Variants in ZNF236 observed in about 807,000 individuals in gnomAD.
The protein encoded by ZNF236 is regulated by glucose.
Under a neutral mutation model 191.2 loss-of-function variants are expected in ZNF236, and 50 were observed. That is an observed-to-expected ratio of 0.26 (90% confidence interval 0.21 to 0.33). The LOEUF (loss-of-function observed/expected upper bound fraction) is 0.33. Among genes scored for constraint, ZNF236 ranks in the 10% least tolerant of loss-of-function variants. ZNF236 has a pLI of 1.00. For missense variants in ZNF236, 1,754 were observed against 2,374.5 expected, an observed-to-expected ratio of 0.74 and a Z score of 5.43; for synonymous variants, 907 against 928.8, an observed-to-expected ratio of 0.98 and a Z score of 0.43.
At chr18:76,921,897 G>A (rs762035239) in intron 20 of ZNF236, among the ~76,000 whole-genome samples, 2 of 151,826 alleles carry the variant, frequency 1.3e-5, no homozygotes, top group Non-Finnish European at 1.5e-5. Flanking sequence ...AAAGTTCAAG[G>A]TTCAGACTCC....
At chr18:76,873,605 A>G (rs1976636456) in intron 5 of ZNF236, among the ~76,000 whole-genome samples, 2 of 152,142 alleles carry the variant, frequency 1.3e-5, no homozygotes, top group African/African-American at 4.8e-5. Context: ...TGTGCCTCAC[A>G]GTGTGTGTGA....
rs893222357 is a variant in ZNF236 at position 76,836,617 on chromosome 18, G to A, written c.56-12909G>A. ...TTTTGAGACAGAGTTTTGCTCTGTC[G>A]CCCAGGCTAGAGTGCAGTGGTGCGA... On this transcript the variant is annotated intron_variant, in intron 1 of 30. Coordinates refer to ENST00000320610, the MANE Select transcript of ZNF236 (RefSeq NM_001306089.2). 7.3e-5 allele frequency among the ~76,000 whole-genome samples: 11 copies of A among 151,624 alleles called. No homozygotes were observed. In the South Asian group the frequency reaches 1.3e-3, roughly 17 times the overall value.
Position 76,968,410 on chromosome 18 carries a change from C to T in ZNF236, c.*71C>T. 1.3e-6 allele frequency: 2 copies of T among 1,552,852 alleles called. No individual in the cohort carries two copies. Among genetic ancestry groups the T allele is most frequent in the Non-Finnish European group, 1.7e-6 (2 of 1,162,956 alleles). On this transcript the variant is annotated 3_prime_UTR_variant, in exon 31 of 31. Coordinates refer to ENST00000320610, the MANE Select transcript of ZNF236 (RefSeq NM_001306089.2). ...TTGTGAAGAGCAAAGCACTTGGAAT[C>T]TCCGTTTTAAAGCTTCAAGTGTTAA... is the stretch of plus-strand genomic sequence containing the variant.
At position 76,919,702 on chromosome 18, in the gene ZNF236, A is replaced by G; in HGVS notation, c.3275-74A>G. 1 of 1,525,046 alleles carries G rather than the reference A, an allele frequency of 6.6e-7. No individual in the cohort carries two copies. Among genetic ancestry groups the G allele is most frequent in the Non-Finnish European group, 9.0e-7 (1 of 1,114,476 alleles). 94.5% of individuals were successfully genotyped at this position (1,525,046 alleles called of 1,614,324 possible). Reference sequence around the variant, plus strand: ...ATTTTCATTACATACATACCTATTTAGTTTTAATTGTTTTGCTAAAAACCT... The same window carrying G: ...ATTTTCATTACATACATACCTATTTGGTTTTAATTGTTTTGCTAAAAACCT... On this transcript the variant is annotated intron_variant, in intron 19 of 30. Coordinates refer to ENST00000320610, the MANE Select transcript of ZNF236 (RefSeq NM_001306089.2). The surrounding 1 kb of genome is among the most constrained non-coding windows in gnomAD (Gnocchi z 5.3).
intron 20 of ZNF236, among the ~76,000 whole-genome samples, chr18:76,922,605 G>A (rs1200809378): frequency 6.6e-6 from 1 of 151,128 alleles, no homozygotes; most frequent in Admixed American, 6.6e-5. Flanking sequence ...CACCCAGGCT[G>A]GAGTGCAGTG....
intron 25 of ZNF236, among the ~76,000 whole-genome samples, chr18:76,929,539 C>T (rs559278873): frequency 1.3e-5 from 2 of 152,018 alleles, no homozygotes; most frequent in South Asian, 4.2e-4. Flanking sequence ...GTGGATTGTG[C>T]CTCTGTTCTT....
At chr18:76,873,447 G>C (rs1599352816) in intron 5 of ZNF236, among the ~76,000 whole-genome samples, 1 of 152,184 alleles carries the variant, frequency 6.6e-6, no homozygotes, top group Non-Finnish European at 1.5e-5. Context: ...CTTGTGAGCT[G>C]CCTGGAGAGA....
intron 8 of ZNF236, 79 bp from the exon 9 acceptor site, chr18:76,881,205 G>T: frequency 8.1e-7 from 1 of 1,237,660 alleles, no homozygotes; most frequent in Non-Finnish European, 1.1e-6. Context: ...GAATTCTATA[G>T]GTAAAGCTTT....
chr18:76,972,503 G>A lies in ZNF236; in HGVS notation c.*4164G>A, dbSNP rs1274903203. On this transcript the variant is annotated 3_prime_UTR_variant, in exon 31 of 31. Transcript: ENST00000320610. ...CACTCACCCTCCCTACACAGGCATC[G>A]GGGCAGTTCTTTATATGGATGACTA... 1.3e-5 allele frequency among the ~76,000 whole-genome samples: 2 copies of A among 152,060 alleles called. No homozygotes were observed. The highest frequency in any genetic ancestry group is 4.8e-5 in the African/African-American group (2 of 41,396).
At chr18:76,848,399 A>G (rs750327054) in intron 1 of ZNF236, among the ~76,000 whole-genome samples, 1 of 152,196 alleles carries the variant, frequency 6.6e-6, no homozygotes, top group Non-Finnish European at 1.5e-5. Context: ...TTACGTATTT[A>G]TGTCCAAATT....
At chr18:76,957,113 T>G (rs1443485738) in intron 28 of ZNF236, among the ~76,000 whole-genome samples, 1 of 152,054 alleles carries the variant, frequency 6.6e-6, no homozygotes, top group Non-Finnish European at 1.5e-5. Context: ...AAAGCTGCAC[T>G]AAGATGGCTG....
chr18:76,846,955 C>T (rs533376775), intron 1 of ZNF236, among the ~76,000 whole-genome samples: 20 of 152,100 alleles, frequency 1.3e-4, no homozygotes, highest in South Asian at 4.2e-4. Context: ...CCATCAAGCC[C>T]GGCTAATTTT....
intron 27 of ZNF236, among the ~76,000 whole-genome samples, chr18:76,948,800 G>A (rs1231420685): frequency 2.0e-5 from 3 of 152,174 alleles, no homozygotes. Flanking sequence ...TTAGCTATGC[G>A]GTCTCCAGGC....
chr18:76,824,283 G>C (rs1974954746), intron 1 of ZNF236: 2 of 780,100 alleles, frequency 2.6e-6, no homozygotes, highest in Non-Finnish European at 4.8e-6. Flanking sequence ...GATTGCACTT[G>C]GTAGAGTTAA....
chr18:76,881,337 T>C lies in ZNF236; in HGVS notation c.1242T>C (p.Asn414=), dbSNP rs1268977436. ...LSSIPAAAHP[N]DSCHAKTSAP... is the part of the protein sequence containing the mutation. ...CAATTCCAGCTGCAGCACATCCTAA[T>C]GACTCCTGCCATGCCAAGACCTCTG... The change falls in exon 9 of 31, where the codon AAT becomes AAC. Residue 414 remains asparagine, a synonymous_variant. Coordinates refer to ENST00000320610, the MANE Select transcript of ZNF236 (RefSeq NM_001306089.2). 13 of 1,614,046 alleles carry C rather than the reference T, an allele frequency of 8.1e-6. No individual in the cohort carries two copies. Among genetic ancestry groups the C allele is most frequent in the African/African-American group, 1.3e-5 (1 of 74,902 alleles).
chr18:76,835,693 C>G (rs1314658824), intron 1 of ZNF236, among the ~76,000 whole-genome samples: 1 of 152,074 alleles, frequency 6.6e-6, no homozygotes, highest in Non-Finnish European at 1.5e-5. Flanking sequence ...AGTTATATCT[C>G]TTGCAAGCAG....
chr18:76,924,041 C>T (rs1161542471), intron 21 of ZNF236, among the ~76,000 whole-genome samples: 2 of 152,160 alleles, frequency 1.3e-5, no homozygotes, highest in African/African-American at 4.8e-5. Context: ...GACTTTCACA[C>T]ATTTACCTGA....
intron 28 of ZNF236, among the ~76,000 whole-genome samples, chr18:76,957,064 C>T (rs1968540439): frequency 6.6e-6 from 1 of 152,130 alleles, no homozygotes; most frequent in South Asian, 2.1e-4. Flanking sequence ...ATGGCCAGGC[C>T]ACGCAGAGGG....
At chr18:76,939,376 G>A (rs562963650) in intron 26 of ZNF236, among the ~76,000 whole-genome samples, 1 of 152,226 alleles carries the variant, frequency 6.6e-6, no homozygotes, top group South Asian at 2.1e-4. Context: ...ATCCTAAGGT[G>A]TAAATGACTG....
Sources: allele counts gnomAD v4.1 joint callset (sites outside exome capture counted in the v4.1 genomes callset), GRCh38; gene constraint gnomAD v4.1.1; non-coding constraint Gnocchi (gnomAD v3.1); transcripts MANE v1.5; gene names NCBI Gene and HGNC (gene_info 2026-07-23, HGNC 2026-07-21).